The following ATP2B4 variants were observed in gnomAD, a reference collection of about 807,000 sequenced individuals.
The protein encoded by ATP2B4 is ATPase plasma membrane Ca2+ transporting 4, also known as plasma membrane calcium-transporting ATPase 4.
In ATP2B4, 39 loss-of-function variants were observed where a neutral mutation model predicts 110.3. The ratio of observed to expected loss-of-function variants is 0.35; its 90% CI spans 0.27 to 0.46. ATP2B4 has a LOEUF of 0.46. Ranked by LOEUF, ATP2B4 falls within the 20% of genes least tolerant of loss-of-function variation. ATP2B4 has a pLI of 1.00. For synonymous variants in ATP2B4, 538 were observed against 571.7 expected, an observed-to-expected ratio of 0.94 and a Z score of 0.84; for missense variants, 1,135 against 1,530.9, an observed-to-expected ratio of 0.74 and a Z score of 4.32.
At chr1:203,725,904 CTTTTTTTT>C (rs756184004) in intron 19 of ATP2B4, among the ~76,000 whole-genome samples, 2 of 93,382 alleles carry the variant, frequency 2.1e-5, no homozygotes, top group Non-Finnish European at 2.0e-5. Flanking sequence ...CTTTTCTTTT[CTTTTTTTT>C]TTTTTTTTTT....
intron 7 of ATP2B4, 106 bp from the exon 8 acceptor site, chr1:203,703,545 AG>A (rs1366562643): frequency 1.1e-5 from 14 of 1,319,472 alleles, no homozygotes; most frequent in Non-Finnish European, 1.5e-5. Context: ...TCAGGGTCCA[AG>A]GTATATTCCG....
intron 1 of ATP2B4, among the ~76,000 whole-genome samples, chr1:203,674,625 C>T (rs1175853215): frequency 7.3e-6 from 1 of 136,814 alleles, no homozygotes; most frequent in Non-Finnish European, 1.5e-5. Flanking sequence ...AGGCGTGCAA[C>T]ACCACACCTG....
At chr1:203,729,544 CAAA>C (rs5780193) in intron 20 of ATP2B4, 2,151 of 342,194 alleles carry the variant, frequency 6.3e-3, no homozygotes, top group Middle Eastern at 9.6e-3. Context: ...GACTCTGTCT[CAAA>C]AAAAAAAAAA....
At chr1:203,731,607 T>C (rs897048018) in intron 20 of ATP2B4, among the ~76,000 whole-genome samples, 1 of 151,860 alleles carries the variant, frequency 6.6e-6, no homozygotes, top group Non-Finnish European at 1.5e-5. Flanking sequence ...ATCCCAGCAC[T>C]TTGGGAGGCT....
At chr1:203,729,502 G>A (rs11587394) in intron 20 of ATP2B4, 4,128 of 388,866 alleles carry the variant, frequency 0.011, 152 homozygotes, top group African/African-American at 0.081. Context: ...CTGAGATCGC[G>A]CCATTACACA....
intron 20 of ATP2B4, chr1:203,733,467 T>G: frequency 7.1e-7 from 1 of 1,415,852 alleles, no homozygotes; most frequent in Non-Finnish European, 9.5e-7. Flanking sequence ...TGGCATCCAC[T>G]TTAACCAACC....
intron 1 of ATP2B4, among the ~76,000 whole-genome samples, chr1:203,677,521 G>A (rs1571711777): frequency 6.6e-6 from 1 of 152,280 alleles, no homozygotes; most frequent in Non-Finnish European, 1.5e-5. Context: ...GGAGTGCAGT[G>A]GCACGATCTT....
intron 18 of ATP2B4, 45 bp from the exon 19 acceptor site, chr1:203,723,836 G>A (rs1183832019): frequency 6.7e-7 from 1 of 1,498,966 alleles, no homozygotes; most frequent in East Asian, 2.5e-5. Context: ...CCAGCTGCCT[G>A]TTAGTCATTT....
At chr1:203,738,464 C>T (rs546582988) in intron 20 of ATP2B4, among the ~76,000 whole-genome samples, 70 of 152,198 alleles carry the variant, frequency 4.6e-4, no homozygotes, top group Admixed American at 5.9e-4. Flanking sequence ...TTCCTTTTTG[C>T]GCAGTAAGAC....
chr1:203,726,425 CTT>C (rs71861339), intron 19 of ATP2B4, among the ~76,000 whole-genome samples: 179 of 144,974 alleles, frequency 1.2e-3, no homozygotes, highest in Admixed American at 1.6e-3. Context: ...GTGAAGATTT[CTT>C]TTTTTTTTTT....
At chr1:203,698,093 A>G (rs1375517453) in intron 2 of ATP2B4, 64 bp from the exon 3 acceptor site, 8 of 1,498,246 alleles carry the variant, frequency 5.3e-6, no homozygotes, top group Admixed American at 5.3e-5. Context: ...TGCCACTTCA[A>G]AACTGCCTTT....
chr1:203,724,689 C>G (rs542856631), intron 19 of ATP2B4, among the ~76,000 whole-genome samples: 18 of 151,980 alleles, frequency 1.2e-4, no homozygotes, highest in Non-Finnish European at 2.5e-4. Flanking sequence ...GGCTGTCGAG[C>G]TGACATAATT....
chr1:203,632,994 C>G (rs112393380), intron 1 of ATP2B4, among the ~76,000 whole-genome samples: 2,141 of 152,190 alleles, frequency 0.014, 61 homozygotes, highest in African/African-American at 0.049. Context: ...ATTTTTATTT[C>G]TAAGTACAAC....
intron 15 of ATP2B4, among the ~76,000 whole-genome samples, chr1:203,720,273 A>C (rs1571761438): frequency 6.6e-6 from 1 of 152,282 alleles, no homozygotes; most frequent in Non-Finnish European, 1.5e-5. Flanking sequence ...TCTACCTTTT[A>C]ATTAGTTTCC....
intron 1 of ATP2B4, among the ~76,000 whole-genome samples, chr1:203,670,971 T>G (rs181775661): frequency 6.4e-4 from 97 of 152,368 alleles, no homozygotes; most frequent in African/African-American, 2.2e-3. Context: ...TGGAACAGTC[T>G]ATGCAATTTG....
At chr1:203,640,253 CTG>C (rs1199807016) in intron 1 of ATP2B4, among the ~76,000 whole-genome samples, 1 of 152,188 alleles carries the variant, frequency 6.6e-6, no homozygotes, top group Non-Finnish European at 1.5e-5. Flanking sequence ...CTCCTGTTCT[CTG>C]TGTGTTCCCA....
At chr1:203,714,050 G>A (rs546114754) in intron 14 of ATP2B4, 121 bp from the exon 15 acceptor site, 1 of 958,320 alleles carries the variant, frequency 1.0e-6, no homozygotes, top group East Asian at 2.5e-5. Context: ...GGTGGTTCCT[G>A]TAGAACTTCT....
At chr1:203,686,332 G>A (rs1230219515) in intron 2 of ATP2B4, among the ~76,000 whole-genome samples, 2 of 152,138 alleles carry the variant, frequency 1.3e-5, no homozygotes, top group African/African-American at 4.8e-5. Context: ...CAAAGAAGCT[G>A]GAACCTAGAG....
intron 20 of ATP2B4, among the ~76,000 whole-genome samples, chr1:203,730,221 G>C (rs1415298950): frequency 7.0e-6 from 1 of 143,188 alleles, no homozygotes; most frequent in Non-Finnish European, 1.5e-5. Flanking sequence ...GTTATATGAA[G>C]AGCTGAATTA....
Sources: gnomAD v4.1 joint callset for allele counts (sites outside exome capture counted in the v4.1 genomes callset) on GRCh38, gnomAD v4.1.1 for gene constraint, MANE v1.5 for transcripts, NCBI Gene and HGNC (gene_info 2026-07-23, HGNC 2026-07-21) for gene names.